IL4I1: variants seen among roughly 807,000 people sequenced by gnomAD.
IL4I1 encodes the protein interleukin 4 induced 1.
IL4I1 carries 24 observed loss-of-function variants against 29.7 expected under a neutral mutation model. The observed-to-expected ratio is 0.81, with a 90% CI of 0.59 to 1.14. The LOEUF (loss-of-function observed/expected upper bound fraction) is 1.14. Among genes scored for constraint, IL4I1 ranks in the 50% most tolerant of loss-of-function variants. The pLI is 0.00. For synonymous variants in IL4I1, 371 were observed against 352.5 expected, an observed-to-expected ratio of 1.05 and a Z score of -0.59; for missense variants, 686 against 785.6, an observed-to-expected ratio of 0.87 and a Z score of 1.52.
chr19:49,896,695 A>G (rs1393368523), intron 1 of IL4I1, 140 bp downstream of exon 1: 3 of 374,878 alleles, frequency 8.0e-6, no homozygotes, highest in Non-Finnish European at 1.1e-5. Flanking sequence ...CGGCCTCCCA[A>G]AGTGCTGGGA....
chr19:49,895,313 C>A lies in IL4I1; in HGVS notation c.253-133G>T, dbSNP rs543274777. On this transcript the variant is annotated intron_variant, in intron 3 of 7. Coordinates refer to ENST00000391826, the MANE Select transcript of IL4I1 (RefSeq NM_152899.2). ...GCCCAGACCCAGACTAGGAGAGGGT[C>A]CCCTTCTGTATGGAGGTGGGGGAAC... The A allele has an allele frequency of 6.2e-4, 405 of 649,554 alleles. 3 individuals are homozygous for A. In the African/African-American group the frequency reaches 9.4e-3, roughly 15 times the overall value. The allele number at this position is 649,554 out of a possible 1,614,324, so 40.2% of individuals were successfully genotyped here.
intron 3 of IL4I1, among the ~76,000 whole-genome samples, chr19:49,902,694 G>A (rs2075281543): frequency 6.6e-6 from 1 of 151,938 alleles, no homozygotes; most frequent in Admixed American, 6.6e-5. Context: ...CAGGCGTGGT[G>A]GCGGGCACCT....
At chr19:49,914,791 G>A (rs2075582178) in intron 2 of IL4I1, among the ~76,000 whole-genome samples, 1 of 134,662 alleles carries the variant, frequency 7.4e-6, no homozygotes, top group Non-Finnish European at 1.5e-5. Flanking sequence ...CCAGGCTGGA[G>A]TGTGGTGGTG....
At chr19:49,895,708 T>TA in intron 3 of IL4I1, 107 bp downstream of exon 3, 1 of 483,710 alleles carries the variant, frequency 2.1e-6, no homozygotes, top group Non-Finnish European at 4.1e-6. Context: ...TCCCCCCACA[T>TA]CCCCACCTCC....
chr19:49,911,193 A>T (rs1156870405), intron 2 of IL4I1: 1 of 152,270 alleles, frequency 6.6e-6, no homozygotes. Flanking sequence ...TGAGCCCTAA[A>T]GATGATCAGC....
Position 49,894,330 on chromosome 19 carries a change from C to T in IL4I1, c.505G>A (p.Ala169Thr), listed in dbSNP as rs148563815. 1,132 of 1,614,212 alleles carry T rather than the reference C, an allele frequency of 7.0e-4. 26 individuals carry two copies. In the South Asian group the frequency reaches 0.011, roughly 16 times the overall value. Residue 169 changes from alanine (A) to threonine (T), a missense_variant, in exon 5 of 8, where the codon GCC becomes ACC. Coordinates refer to ENST00000391826, the MANE Select transcript of IL4I1 (RefSeq NM_152899.2). ...TGGCCCTTTTCCTGGGGACGCAAGG[C>T]GTAGCCCAGCTTCTCGGGCACCTTC... ...VEKVPEKLGY[A>T]LRPQEKGHSP... is the part of the protein sequence containing the mutation.
chr19:49,902,138 T>C (rs1418868907), intron 3 of IL4I1, among the ~76,000 whole-genome samples: 1 of 152,074 alleles, frequency 6.6e-6, no homozygotes, highest in Admixed American at 6.5e-5. Context: ...GAGCTGCGAT[T>C]ACAGGTACAG....
chr19:49,917,970 C>T (rs913863050), intron 2 of IL4I1, among the ~76,000 whole-genome samples: 6 of 152,154 alleles, frequency 3.9e-5, no homozygotes, highest in South Asian at 2.1e-4. Context: ...CGCACTACTG[C>T]ACTCCAGCCT....
chr19:49,908,620 G>A lies in IL4I1; in HGVS notation c.-227-4299C>T, dbSNP rs2075377177. The A allele has an allele frequency of 1.9e-6, 3 of 1,613,630 alleles. No individual in the cohort carries two copies. The East Asian group carries it at 6.7e-5, about 36-fold the overall frequency. ...CTTCCAGCTCCTTCTGCTGGGACAG[G>A]ATGAAGTCGAGCTCCTGGTCCAGCC... On this transcript the variant is annotated intron_variant, in intron 2 of 9. Coordinates refer to the IL4I1 transcript ENST00000341114.
At chr19:49,918,934 G>T (rs949210978) in intron 2 of IL4I1, among the ~76,000 whole-genome samples, 4 of 148,056 alleles carry the variant, frequency 2.7e-5, no homozygotes, top group African/African-American at 1.0e-4. Context: ...CGGATCACCT[G>T]AGGTCGGGAG....
At chr19:49,904,012 T>TA (rs2075294034) in intron 3 of IL4I1, among the ~76,000 whole-genome samples, 1 of 147,188 alleles carries the variant, frequency 6.8e-6, no homozygotes, top group Non-Finnish European at 1.5e-5. Context: ...CTAATTTTTG[T>TA]ATTTTTGTAG....
intron 2 of IL4I1, chr19:49,918,733 C>G (rs1244640326): frequency 6.6e-6 from 1 of 152,224 alleles, no homozygotes; most frequent in Non-Finnish European, 1.5e-5. Context: ...GGAACTTTTA[C>G]TGCATGTTCA....
At chr19:49,891,128 G>T in intron 6 of IL4I1, 21 bp from the exon 7 acceptor site, 1 of 1,608,566 alleles carries the variant, frequency 6.2e-7, no homozygotes, top group South Asian at 1.1e-5. Context: ...GGCACAGGCC[G>T]AGGTTAGGGC....
chr19:49,908,351 T>C (rs1019173023), intron 2 of IL4I1: 1 of 1,614,188 alleles, frequency 6.2e-7, no homozygotes, highest in South Asian at 1.1e-5. Context: ...GTCGATCCAC[T>C]GCAGTGAGTC....
intron 2 of IL4I1, among the ~76,000 whole-genome samples, chr19:49,919,773 G>T (rs2075719263): frequency 6.7e-6 from 1 of 149,030 alleles, no homozygotes; most frequent in Admixed American, 6.8e-5. Flanking sequence ...GAGATTTTAA[G>T]GAAGATTCTA....
intron 3 of IL4I1, 24 bp downstream of exon 3, chr19:49,895,790 GT>G: frequency 6.2e-7 from 1 of 1,603,036 alleles, no homozygotes; most frequent in South Asian, 1.1e-5. Flanking sequence ...GGGACTCCAG[GT>G]AGACTGCAAG....
chr19:49,891,183 T>G (rs2075133831), intron 6 of IL4I1, 76 bp from the exon 7 acceptor site: 6 of 1,561,300 alleles, frequency 3.8e-6, no homozygotes, highest in South Asian at 3.5e-5. Flanking sequence ...CAGCTGGGCC[T>G]CCTGGTCCCA....
At chr19:49,891,844 G>A (rs1357955965) in intron 5 of IL4I1, among the ~76,000 whole-genome samples, 1 of 152,212 alleles carries the variant, frequency 6.6e-6, no homozygotes. Flanking sequence ...AGGGTCCCAG[G>A]CGTGCTGTGT....
At chr19:49,909,083 G>C (rs2075393336) in intron 2 of IL4I1, 1 of 1,612,658 alleles carries the variant, frequency 6.2e-7, no homozygotes, top group South Asian at 1.1e-5. Context: ...TGTGGTCACA[G>C]GGGTACAGAG....
Sources: gnomAD v4.1 joint callset for allele counts (sites outside exome capture counted in the v4.1 genomes callset) on GRCh38, gnomAD v4.1.1 for gene constraint, MANE v1.5 for transcripts, NCBI Gene and HGNC (gene_info 2026-07-23, HGNC 2026-07-21) for gene names.